The following ARL15 variants were observed in gnomAD, a reference collection of about 807,000 sequenced individuals.
ARL15 encodes ARF like GTPase 15, also known as ADP-ribosylation factor-like protein 15.
In ARL15, 19 loss-of-function variants were observed where a neutral mutation model predicts 25.2. That is an observed-to-expected ratio of 0.75 (90% confidence interval 0.53 to 1.10). ARL15 has a LOEUF of 1.10. Ranked by LOEUF, ARL15 falls within the 50% of genes least tolerant of loss-of-function variation. The probability of loss-of-function intolerance (pLI) is 0.00; values close to 1 mark genes in which losing one functional copy is unlikely to be tolerated. For missense variants in ARL15, 220 were observed against 246.0 expected, an observed-to-expected ratio of 0.89 and a Z score of 0.71; for synonymous variants, 94 against 86.8, an observed-to-expected ratio of 1.08 and a Z score of -0.46.
intron 4 of ARL15, among the ~76,000 whole-genome samples, chr5:53,931,688 G>A (rs992575805): frequency 6.6e-6 from 1 of 152,102 alleles, no homozygotes; most frequent in Non-Finnish European, 1.5e-5. Context: ...TTCCTACATA[G>A]TACATTGCTA....
chr5:54,159,546 G>T (rs1450200544), intron 2 of ARL15, among the ~76,000 whole-genome samples: 11 of 152,202 alleles, frequency 7.2e-5, no homozygotes, highest in African/African-American at 2.4e-4. Context: ...TAAACAAGGA[G>T]AAGGAAATAA....
At chr5:53,925,251 C>T (rs906335545) in intron 4 of ARL15, among the ~76,000 whole-genome samples, 2 of 150,794 alleles carry the variant, frequency 1.3e-5, no homozygotes, top group Admixed American at 6.6e-5. Flanking sequence ...CGCTGGAGTG[C>T]AGTGGTGCAA....
intron 3 of ARL15, among the ~76,000 whole-genome samples, chr5:54,124,397 A>G (rs182994731): frequency 1.1e-3 from 164 of 152,354 alleles, no homozygotes; most frequent in African/African-American, 3.7e-3. Flanking sequence ...CACATTTATC[A>G]TAGGCTTGCT....
rs377624827 is a variant in ARL15 at position 54,175,839 on chromosome 5, A to G, written c.49-3911T>C. On this transcript the variant is annotated intron_variant, in intron 1 of 4. Coordinates refer to ENST00000504924, the MANE Select transcript of ARL15 (RefSeq NM_019087.3). ...AGCTAATTTTTGTATCTTTGTAGAG[A>G]TGGGGTTTCACCATGTTGCTCAGGC... Among the ~76,000 whole-genome samples the G allele has an allele frequency of 3.3e-5, 5 of 151,890 alleles. No individual in the cohort carries two copies. The East Asian group carries it at 7.8e-4, about 24-fold the overall frequency.
intron 4 of ARL15, among the ~76,000 whole-genome samples, chr5:54,074,715 C>A (rs1315636553): frequency 6.6e-6 from 1 of 151,962 alleles, no homozygotes; most frequent in Non-Finnish European, 1.5e-5. Context: ...GTATTAGAGG[C>A]AGAGTGAAAA....
chr5:54,030,158 G>C (rs1749930520), intron 4 of ARL15, among the ~76,000 whole-genome samples: 1 of 152,082 alleles, frequency 6.6e-6, no homozygotes, highest in Admixed American at 6.6e-5. Context: ...CTGGGCAACA[G>C]AGCAACACCC....
At chr5:54,006,023 C>T (rs1410303611) in intron 4 of ARL15, among the ~76,000 whole-genome samples, 1 of 135,634 alleles carries the variant, frequency 7.4e-6, no homozygotes, top group East Asian at 2.1e-4. Context: ...GCACTCTAAC[C>T]TGGGCAACAA....
At chr5:54,244,783 A>G (rs928581480) in intron 1 of ARL15, among the ~76,000 whole-genome samples, 2 of 130,042 alleles carry the variant, frequency 1.5e-5, no homozygotes, top group East Asian at 2.1e-4. Context: ...TACGTAAACA[A>G]AGAAAAAGGT....
At chr5:53,987,737 G>A (rs889835215) in intron 4 of ARL15, among the ~76,000 whole-genome samples, 8 of 152,098 alleles carry the variant, frequency 5.3e-5, no homozygotes, top group Non-Finnish European at 7.3e-5. Flanking sequence ...GATCACTTGA[G>A]CCTAGGAGCT....
At chr5:53,991,819 T>TAG (rs1325854975) in intron 4 of ARL15, among the ~76,000 whole-genome samples, 3 of 152,084 alleles carry the variant, frequency 2.0e-5, no homozygotes, top group Non-Finnish European at 4.4e-5. Context: ...CCAAAAGAAA[T>TAG]ACCTAACAGT....
At chr5:53,904,761 C>G (rs1178056206) in intron 4 of ARL15, among the ~76,000 whole-genome samples, 1 of 109,204 alleles carries the variant, frequency 9.2e-6, no homozygotes, top group African/African-American at 3.9e-5. Flanking sequence ...TTTTTTGAGA[C>G]AGTCTCACCC....
chr5:53,992,705 CT>C (rs11363637), intron 4 of ARL15, among the ~76,000 whole-genome samples: 7,538 of 152,272 alleles, frequency 0.05, 238 homozygotes, highest in Middle Eastern at 0.085. Flanking sequence ...GCCCATCCAT[CT>C]CAAATGTGTA....
chr5:54,065,588 C>CTGAGGCAGGAGAATCACTTGAAA (rs1350862627), intron 4 of ARL15, among the ~76,000 whole-genome samples: 5 of 90,456 alleles, frequency 5.5e-5, no homozygotes, highest in African/African-American at 3.5e-4. Flanking sequence ...ATCACTTGAA[C>CTGAGGCAGGAGAATCACTTGAAA]CCAGGAGGTG....
chr5:54,052,466 C>T (rs558105245), intron 4 of ARL15, among the ~76,000 whole-genome samples: 3 of 152,198 alleles, frequency 2.0e-5, no homozygotes, highest in South Asian at 4.1e-4. Context: ...GGAAACTGTA[C>T]GTAAGAATTG....
intron 2 of ARL15, among the ~76,000 whole-genome samples, chr5:54,165,738 T>TTATATATATA (rs3063747): frequency 0.027 from 4,023 of 147,866 alleles, 121 homozygotes; most frequent in African/African-American, 0.078. Flanking sequence ...ATACCTTTGT[T>TTATATATATA]TATATATATA....
intron 3 of ARL15, among the ~76,000 whole-genome samples, chr5:54,145,640 G>A (rs1023598863): frequency 6.6e-6 from 1 of 152,154 alleles, no homozygotes; most frequent in African/African-American, 2.4e-5. Context: ...GCGTGTGTGT[G>A]TGTGTTCACC....
intron 4 of ARL15, among the ~76,000 whole-genome samples, chr5:53,968,232 G>C (rs1747628459): frequency 1.3e-5 from 2 of 152,168 alleles, no homozygotes; most frequent in African/African-American, 4.8e-5. Context: ...AAATTATACA[G>C]CTTTCAGATG....
intron 1 of ARL15, among the ~76,000 whole-genome samples, chr5:54,285,681 T>C (rs1758162872): frequency 6.6e-6 from 1 of 152,170 alleles, no homozygotes; most frequent in Non-Finnish European, 1.5e-5. Context: ...TTCAGAGTCC[T>C]GCAAGCAGTA....
chr5:54,286,185 C>G (rs1350547437), intron 1 of ARL15: 2 of 152,130 alleles, frequency 1.3e-5, no homozygotes, highest in Non-Finnish European at 2.9e-5. Flanking sequence ...TTTTGCTCCT[C>G]AGCATATATT....
Sources: allele counts gnomAD v4.1 joint callset (sites outside exome capture counted in the v4.1 genomes callset), GRCh38; gene constraint gnomAD v4.1.1; transcripts MANE v1.5; gene names NCBI Gene and HGNC (gene_info 2026-07-23, HGNC 2026-07-21).